The following NAV1 variants were observed in gnomAD, a reference collection of about 807,000 sequenced individuals.
The protein encoded by NAV1 is neuron navigator 1, also known as pore membrane and/or filament interacting like protein 3.
Under a neutral mutation model 175.2 loss-of-function variants are expected in NAV1, and 18 were observed. The observed-to-expected ratio is 0.10, with a 90% CI of 0.07 to 0.15. The LOEUF (loss-of-function observed/expected upper bound fraction) is 0.15. NAV1 is among the 10% of genes least tolerant of loss of function. NAV1 has a pLI of 1.00. For synonymous variants in NAV1, 897 were observed against 978.7 expected, an observed-to-expected ratio of 0.92 and a Z score of 1.56; for missense variants, 1,731 against 2,436.6, an observed-to-expected ratio of 0.71 and a Z score of 6.10.
chr1:201,790,650 T>C, intron 12 of NAV1, 39 bp from the exon 17 acceptor site: 2 of 1,613,982 alleles, frequency 1.2e-6, no homozygotes, highest in Non-Finnish European at 1.7e-6. Flanking sequence ...CTTATACAGC[T>C]TCTGCAGCCA....
At chr1:201,660,607 A>T (rs1408345837) in intron 1 of NAV1, among the ~76,000 whole-genome samples, 1 of 152,194 alleles carries the variant, frequency 6.6e-6, no homozygotes, top group Non-Finnish European at 1.5e-5. Flanking sequence ...CATCCTGAGG[A>T]CCCGTGGGGG....
chr1:201,714,626 G>A (rs1558090982), intron 2 of NAV1, among the ~76,000 whole-genome samples: 1 of 152,184 alleles, frequency 6.6e-6, no homozygotes, highest in Non-Finnish European at 1.5e-5. Context: ...GTGAAGCAGG[G>A]ATCTGGCAGA....
At chr1:201,621,548 T>C (rs978999824), upstream of NAV1, among the ~76,000 whole-genome samples, 4 of 151,842 alleles carry the variant, frequency 2.6e-5, no homozygotes, top group Non-Finnish European at 5.9e-5. Flanking sequence ...GCCAGGCTGG[T>C]CTCAATCTCC....
intron 1 of NAV1, among the ~76,000 whole-genome samples, chr1:201,702,672 T>TTCCCTCTCTCTCTCTCTTTC (rs1365276379): frequency 5.8e-4 from 1 of 1,718 alleles, no homozygotes; most frequent in African/African-American, 7.6e-4. Context: ...GGTATGTGAA[T>TTCCCTCTCTCTCTCTCTTTC]TCTCTCTCTC....
chr1:201,643,469 T>C (rs1481895853), upstream of NAV1, among the ~76,000 whole-genome samples: 4 of 150,982 alleles, frequency 2.6e-5, no homozygotes, highest in African/African-American at 9.8e-5. Context: ...GGTCTCACTC[T>C]GTGGCACAGT....
At chr1:201,586,628 G>T (rs572452104) in intron 1 of NAV1, among the ~76,000 whole-genome samples, 25 of 152,180 alleles carry the variant, frequency 1.6e-4, no homozygotes, top group African/African-American at 5.8e-4. Context: ...CAGTGGGCAG[G>T]CACACATGGG....
At chr1:201,766,187 T>C (rs1290509752) in intron 3 of NAV1, among the ~76,000 whole-genome samples, 2 of 152,198 alleles carry the variant, frequency 1.3e-5, no homozygotes, top group African/African-American at 4.8e-5. Flanking sequence ...AAGCCTTAAC[T>C]CAAAAAAATT....
chr1:201,767,437 C>G (rs188774359), intron 3 of NAV1, among the ~76,000 whole-genome samples: 1 of 137,126 alleles, frequency 7.3e-6, no homozygotes, highest in African/African-American at 2.7e-5. Context: ...GGTGACAGGG[C>G]GAGACTCCGC....
At chr1:201,678,487 C>G (rs1670338659) in intron 1 of NAV1, among the ~76,000 whole-genome samples, 1 of 152,176 alleles carries the variant, frequency 6.6e-6, no homozygotes, top group African/African-American at 2.4e-5. Context: ...AAGGCAAGGA[C>G]TCCGCTGGAA....
At chr1:201,609,141 G>A (rs909244846) in intron 2 of NAV1, among the ~76,000 whole-genome samples, 29 of 152,190 alleles carry the variant, frequency 1.9e-4, no homozygotes, top group Admixed American at 1.0e-3. Flanking sequence ...GGCTGCATGT[G>A]ACTGCTGGGC....
At position 201,702,165 on chromosome 1, in the gene NAV1, G is replaced by A. The variant is rs148897129; in HGVS notation, c.758-10652G>A. Among the ~76,000 whole-genome samples the A allele has an allele frequency of 4.7e-3, 719 of 152,292 alleles. 2 individuals carry two copies. The highest frequency in any genetic ancestry group is 0.017 in the African/African-American group (687 of 41,558). On this transcript the variant is annotated intron_variant, in intron 1 of 29. Coordinates refer to ENST00000367296, the Ensembl canonical transcript of NAV1. ...TTGCATGATTACATTTCTATGAAAT[G>A]TCTAGAATAGGCAAACTCACAGAGA... is the stretch of plus-strand genomic sequence containing the variant.
intron 3 of NAV1, among the ~76,000 whole-genome samples, chr1:201,771,633 T>G (rs952726245): frequency 6.6e-6 from 1 of 152,002 alleles, no homozygotes; most frequent in East Asian, 1.9e-4. Context: ...CTTTTCTGGA[T>G]ATACCTATTG....
At position 201,583,675 on chromosome 1, in the gene NAV1, C is replaced by T. The variant is rs182734359; in HGVS notation, c.-143-4864C>T. ...TGAAATCCTCTTTCTCCTTTCTTCC[C>T]AAGGAAGCCATGGAAATAAATAAGG... is the stretch of plus-strand genomic sequence containing the variant. On this transcript the variant is annotated intron_variant, in intron 1 of 33. Transcript: ENST00000685211. Among the ~76,000 whole-genome samples the T allele has an allele frequency of 2.3e-3, 343 of 152,278 alleles. 2 individuals are homozygous for T. Among genetic ancestry groups the T allele is most frequent in the African/African-American group, 8.0e-3 (331 of 41,550 alleles).
chr1:201,586,142 G>A (rs939616756), intron 1 of NAV1, among the ~76,000 whole-genome samples: 2 of 152,132 alleles, frequency 1.3e-5, no homozygotes, highest in Non-Finnish European at 2.9e-5. Flanking sequence ...ACAGAGGAAG[G>A]AAATTCTCAT....
In NAV1 at chr1:201,751,513, G is replaced by C. The variant is rs549513573; in HGVS notation, c.1227-28908G>C. Among the ~76,000 whole-genome samples, 20 of 152,294 alleles carry C rather than the reference G, an allele frequency of 1.3e-4. 1 individual carries two copies. The highest frequency in any genetic ancestry group is 1.2e-3 in the Admixed American group (19 of 15,292). On this transcript the variant is annotated intron_variant, in intron 3 of 29. Transcript: ENST00000367296. ...GAGAGAATGGAATTTTGTCTGAATG[G>C]AAAGTGCATCAGTAAGGATTTGCTA... is the stretch of plus-strand genomic sequence containing the variant.
chr1:201,588,412 A>G (rs1372454476), intron 1 of NAV1, among the ~76,000 whole-genome samples, 127 bp from the exon 2 acceptor site: 4 of 152,208 alleles, frequency 2.6e-5, no homozygotes, highest in South Asian at 4.1e-4. Flanking sequence ...CAGTGACACA[A>G]TCATAGCTCA....
At chr1:201,680,115 C>T (rs1017425790) in intron 1 of NAV1, among the ~76,000 whole-genome samples, 25 of 152,146 alleles carry the variant, frequency 1.6e-4, no homozygotes, top group African/African-American at 5.8e-4. Context: ...ATCTGCTTGG[C>T]TTTTGGTGAG....
rs563062788 is a variant in NAV1 at position 201,656,835 on chromosome 1, G to C, written c.757+7410G>C. Among the ~76,000 whole-genome samples the C allele has an allele frequency of 1.1e-4, 16 of 152,300 alleles. No homozygotes were observed. In the South Asian group the frequency reaches 3.3e-3, roughly 32 times the overall value. ...CAGCTTCCCCCAAACAGACCCCTAG[G>C]CAGAGCCCGCTGGGGTTTGGACTCC... On this transcript the variant is annotated intron_variant, in intron 1 of 29. Coordinates refer to ENST00000367296, the Ensembl canonical transcript of NAV1.
chr1:201,552,515 G>C (rs372966879), intron 1 of NAV1, among the ~76,000 whole-genome samples: 4 of 152,104 alleles, frequency 2.6e-5, no homozygotes, highest in African/African-American at 9.6e-5. Flanking sequence ...TGACGCATGT[G>C]GGGTAATGCA....
Sources: allele counts gnomAD v4.1 joint callset (sites outside exome capture counted in the v4.1 genomes callset), GRCh38; gene constraint gnomAD v4.1.1; transcripts MANE v1.5; gene names NCBI Gene and HGNC (gene_info 2026-07-23, HGNC 2026-07-21).